GAN: variants seen among roughly 807,000 people sequenced by gnomAD.
The protein encoded by GAN is epididymis secretory sperm binding protein.
A neutral mutation model predicts 71.3 loss-of-function variants in GAN; 48 were observed. The ratio of observed to expected loss-of-function variants is 0.67; its 90% CI spans 0.53 to 0.86. The LOEUF (loss-of-function observed/expected upper bound fraction) is 0.86. Ranked by LOEUF, GAN falls within the 40% of genes least tolerant of loss-of-function variation. GAN has a pLI of 0.00. For synonymous variants in GAN, 386 were observed against 276.8 expected (o/e 1.39, Z -3.92); for missense variants, 928 against 770.1 (o/e 1.21, Z -2.43).
chr16:81,315,397 G>A (rs867310794), intron 1 of GAN, 117 bp downstream of exon 1: 2 of 658,516 alleles, frequency 3.0e-6, no homozygotes, highest in African/African-American at 1.9e-5. Context: ...CGGGGTCCCC[G>A]CGTCACCGTT....
intron 1 of GAN, among the ~76,000 whole-genome samples, chr16:81,331,877 G>C (rs980114449): frequency 6.6e-6 from 1 of 152,210 alleles, no homozygotes; most frequent in Non-Finnish European, 1.5e-5. Flanking sequence ...GAAAGCTCTT[G>C]GAAGGCCGGG....
Position 81,314,992 on chromosome 16 carries a change from G to T in GAN, c.-122G>T. The T allele has an allele frequency of 1.2e-6, 1 of 851,500 alleles. No homozygotes were observed. The highest frequency in any genetic ancestry group is 2.7e-5 in the South Asian group (1 of 36,826). 52.7% of individuals were successfully genotyped at this position (851,500 alleles called of 1,614,324 possible). A position where few individuals can be genotyped will look rare whatever the true frequency, so the allele number is the denominator to read the frequency against. On this transcript the variant is annotated 5_prime_UTR_variant, in exon 1 of 11. Transcript: ENST00000648994. ...GCACAGGCACGTCCCGGGGGCTCCA[G>T]CTTCTGCTCAGAGCGCGGAGAGCCG... is the stretch of plus-strand genomic sequence containing the variant.
At chr16:81,358,466 A>G (rs765736252) in intron 5 of GAN, among the ~76,000 whole-genome samples, 6 of 152,018 alleles carry the variant, frequency 3.9e-5, no homozygotes, top group Non-Finnish European at 5.9e-5. Flanking sequence ...AAAATTAGCC[A>G]GGCATAGTGG....
At chr16:81,350,991 T>G (rs1374966153) in intron 1 of GAN, among the ~76,000 whole-genome samples, 4 of 152,172 alleles carry the variant, frequency 2.6e-5, no homozygotes, top group African/African-American at 7.2e-5. Context: ...TCTATAAAAT[T>G]TTAAGTCATT....
intron 1 of GAN, among the ~76,000 whole-genome samples, chr16:81,320,298 C>T (rs1033875345): frequency 6.6e-5 from 10 of 152,200 alleles, no homozygotes; most frequent in African/African-American, 2.4e-4. Context: ...CACATGGGCA[C>T]TAAAGTCCGT....
chr16:81,326,722 C>T (rs1261587612), intron 1 of GAN, among the ~76,000 whole-genome samples: 1 of 152,188 alleles, frequency 6.6e-6, no homozygotes, highest in Non-Finnish European at 1.5e-5. Flanking sequence ...TGCTTCTAGG[C>T]CACAGACCTA....
chr16:81,337,813 T>A (rs926351883), intron 1 of GAN, among the ~76,000 whole-genome samples: 2 of 152,200 alleles, frequency 1.3e-5, no homozygotes, highest in Non-Finnish European at 2.9e-5. Context: ...AGAAAAATTT[T>A]TTAAAAAGTT....
intron 1 of GAN, among the ~76,000 whole-genome samples, chr16:81,331,800 C>T (rs887607129): frequency 6.6e-6 from 1 of 152,200 alleles, no homozygotes; most frequent in African/African-American, 2.4e-5. Flanking sequence ...CATTTTGGGC[C>T]GTACGCCCAG....
At chr16:81,317,276 T>C (rs1364855621) in intron 1 of GAN, among the ~76,000 whole-genome samples, 1 of 152,168 alleles carries the variant, frequency 6.6e-6, no homozygotes, top group Non-Finnish European at 1.5e-5. Context: ...CATTAGAAAA[T>C]TGGCACCATC....
chr16:81,330,179 C>A (rs191193537), intron 1 of GAN, among the ~76,000 whole-genome samples: 2 of 152,330 alleles, frequency 1.3e-5, no homozygotes, highest in African/African-American at 2.4e-5. Context: ...TCTCACTGGT[C>A]TGTCTGCCTC....
At position 81,386,761 on chromosome 16, in the gene GAN, A is replaced by C. The variant is rs942236034; in HGVS notation, c.*9165A>C. On this transcript the variant is annotated 3_prime_UTR_variant, in exon 11 of 11. Transcript: ENST00000648994. ...CGGCAGTTTGAGACCAGCCTGACCA[A>C]CGTGGAGAAACCCCGTCTCTATTAA... The C allele has an allele frequency of 2.0e-5, 3 of 152,262 alleles. No individual in the cohort carries two copies. Among genetic ancestry groups the C allele is most frequent in the Admixed American group, 2.0e-4 (3 of 15,284 alleles). The allele number at this position is 152,262 out of a possible 1,614,324, so 9.4% of individuals were successfully genotyped here.
At chr16:81,336,695 C>A (rs1909774240) in intron 1 of GAN, among the ~76,000 whole-genome samples, 1 of 150,836 alleles carries the variant, frequency 6.6e-6, no homozygotes, top group South Asian at 2.1e-4. Flanking sequence ...CCAGGCTGGT[C>A]TCAAACTCCT....
At chr16:81,362,004 G>A (rs113655405) in intron 5 of GAN, among the ~76,000 whole-genome samples, 196 of 152,328 alleles carry the variant, frequency 1.3e-3, no homozygotes, top group African/African-American at 4.4e-3. Context: ...GTTTTATCCA[G>A]CAAATTGTTT....
intron 1 of GAN, among the ~76,000 whole-genome samples, chr16:81,344,428 C>G (rs187248557): frequency 2.3e-3 from 346 of 152,214 alleles, no homozygotes; most frequent in African/African-American, 8.1e-3. Context: ...ATATATAGAC[C>G]AATGGAACAG....
rs905004368 is a variant in GAN at position 81,383,124 on chromosome 16, C to T, written c.*5528C>T. 1.3e-5 allele frequency: 2 copies of T among 151,608 alleles called. No homozygotes were observed. Among genetic ancestry groups the T allele is most frequent in the African/African-American group, 4.8e-5 (2 of 41,306 alleles). The allele number at this position is 151,608 out of a possible 1,614,324, so 9.4% of individuals were successfully genotyped here. ...AAAGTTTGTTCTTTTTCAGTTCTGT[C>T]ATTGAAATTCTCTAAGTGATTGGAT... On this transcript the variant is annotated 3_prime_UTR_variant, in exon 11 of 11. Coordinates refer to ENST00000648994, the MANE Select transcript of GAN (RefSeq NM_022041.4).
Position 81,327,547 on chromosome 16 carries a change from A to G in GAN, c.167+12267A>G, listed in dbSNP as rs186482655. ...AAAAAAGACAAGTACAAAGACAATA[A>G]TAAATTCACATAAATTCCTGCTTTC... On this transcript the variant is annotated intron_variant, in intron 1 of 10. Transcript: ENST00000648994. 2.2e-3 allele frequency among the ~76,000 whole-genome samples: 332 copies of G among 151,578 alleles called. 3 individuals carry two copies. The highest frequency in any genetic ancestry group is 5.8e-3 in the Admixed American group (88 of 15,278).
In GAN at chr16:81,387,843, G is replaced by T. The variant is rs1904448664; in HGVS notation, c.*10247G>T. On this transcript the variant is annotated 3_prime_UTR_variant, in exon 11 of 11. Transcript: ENST00000648994. The stretch of plus-strand genomic sequence containing the variant: ...AAAAAAATAAAAAATTAAAAAAAAA[G>T]GTCTGCTCAGAAATAGGGGAAACAC... 1 of 151,874 alleles carries T rather than the reference G, an allele frequency of 6.6e-6. No individual in the cohort carries two copies. The highest frequency in any genetic ancestry group is 1.5e-5 in the Non-Finnish European group (1 of 67,990). The allele number at this position is 151,874 out of a possible 1,614,324, so 9.4% of individuals were successfully genotyped here.
chr16:81,315,015 C>G lies in GAN; in HGVS notation c.-99C>G. 1 of 1,042,480 alleles carries G rather than the reference C, an allele frequency of 9.6e-7. No individual in the cohort carries two copies. The highest frequency in any genetic ancestry group is 2.3e-5 in the South Asian group (1 of 44,212). 64.6% of individuals were successfully genotyped at this position (1,042,480 alleles called of 1,614,324 possible). ...CAGCTTCTGCTCAGAGCGCGGAGAGCCGGGCCGGGCGGGCGCGCGCGCAGG... is the reference window on the plus strand; with the variant it reads ...CAGCTTCTGCTCAGAGCGCGGAGAGGCGGGCCGGGCGGGCGCGCGCGCAGG... On this transcript the variant is annotated 5_prime_UTR_variant, in exon 1 of 11. Coordinates refer to ENST00000648994, the MANE Select transcript of GAN (RefSeq NM_022041.4).
At chr16:81,373,538 C>A (rs968954254) in intron 9 of GAN, among the ~76,000 whole-genome samples, 3 of 152,160 alleles carry the variant, frequency 2.0e-5, no homozygotes, top group Non-Finnish European at 4.4e-5. Flanking sequence ...ATCAGCTTCT[C>A]CTAGTGTTAA....
Sources: allele counts gnomAD v4.1 joint callset (sites outside exome capture counted in the v4.1 genomes callset), GRCh38; gene constraint gnomAD v4.1.1; transcripts MANE v1.5; gene names NCBI Gene and HGNC (gene_info 2026-07-23, HGNC 2026-07-21).